Variants in NPAS3 observed in about 807,000 individuals in gnomAD.
The protein encoded by NPAS3 is neuronal PAS domain-containing protein 3.
Under a neutral mutation model 73.1 loss-of-function variants are expected in NPAS3, and 14 were observed. That is an observed-to-expected ratio of 0.19 (90% CI 0.13 to 0.30). The LOEUF is 0.30. NPAS3 is among the 10% of genes least tolerant of loss of function. The pLI is 1.00. For missense variants in NPAS3, 1,096 were observed against 1,250.0 expected, an observed-to-expected ratio of 0.88 and a Z score of 1.86; for synonymous variants, 620 against 541.5, an observed-to-expected ratio of 1.14 and a Z score of -2.01.
intron 1 of NPAS3, among the ~76,000 whole-genome samples, chr14:33,044,346 G>T (rs2040435170): frequency 6.6e-6 from 1 of 152,106 alleles, no homozygotes; most frequent in Non-Finnish European, 1.5e-5. Context: ...TTGAACCACG[G>T]TTTTTAGATG....
At chr14:33,074,718 C>G (rs2041602012) in intron 2 of NPAS3, among the ~76,000 whole-genome samples, 1 of 152,160 alleles carries the variant, frequency 6.6e-6, no homozygotes, top group Admixed American at 6.5e-5. Flanking sequence ...GCTCGGCCAA[C>G]ACTTTCTTTC....
chr14:33,479,589 G>T (rs745711658), intron 4 of NPAS3, among the ~76,000 whole-genome samples: 23 of 152,188 alleles, frequency 1.5e-4, no homozygotes, highest in Non-Finnish European at 2.8e-4. Context: ...AGTGCAGCTT[G>T]TGATCCCTAG....
At chr14:33,474,575 T>C (rs2139643076) in intron 4 of NPAS3, among the ~76,000 whole-genome samples, 1 of 152,284 alleles carries the variant, frequency 6.6e-6, no homozygotes, top group East Asian at 1.9e-4. Flanking sequence ...AATAGATTGC[T>C]TTTTAATTAG....
rs146769128 is a variant in NPAS3, at chr14:33,131,122, A to C, written c.140+75128A>C. Among the ~76,000 whole-genome samples, 12 of 152,244 alleles carry C rather than the reference A, an allele frequency of 7.9e-5. No individual in the cohort carries two copies. The East Asian group carries it at 2.3e-3, about 29-fold the overall frequency. ...CAGTACACATTTGGAGCAAGTCTAC[A>C]TACCAGGTTCTGTGGGAGTTTACAG... On this transcript the variant is annotated intron_variant, in intron 2 of 11. Coordinates refer to ENST00000356141, the Ensembl canonical transcript of NPAS3.
intron 7 of NPAS3, among the ~76,000 whole-genome samples, chr14:33,754,282 G>A (rs748609881): frequency 5.9e-5 from 9 of 152,142 alleles, no homozygotes; most frequent in African/African-American, 9.7e-5. Flanking sequence ...GGAATAAAGT[G>A]TGATTGGAAT....
At chr14:33,563,565 G>GAGAGAGAGA (rs10688249) in intron 5 of NPAS3, among the ~76,000 whole-genome samples, 1 of 144,428 alleles carries the variant, frequency 6.9e-6, no homozygotes, top group African/African-American at 2.7e-5. Flanking sequence ...GAGAGAGAGA[G>GAGAGAGAGA]GAGAGATGTA....
intron 4 of NPAS3, among the ~76,000 whole-genome samples, chr14:33,396,464 T>C (rs2047226988): frequency 1.3e-5 from 2 of 152,214 alleles, no homozygotes; most frequent in East Asian, 1.9e-4. Flanking sequence ...AAGTTTTACA[T>C]GGTAGAACTA....
At chr14:33,410,002 C>T (rs1594856418) in intron 4 of NPAS3, among the ~76,000 whole-genome samples, 1 of 152,086 alleles carries the variant, frequency 6.6e-6, no homozygotes, top group African/African-American at 2.4e-5. Flanking sequence ...CTCTTCTGCC[C>T]TCTTTGTAGC....
intron 5 of NPAS3, among the ~76,000 whole-genome samples, chr14:33,659,144 C>T (rs2059235141): frequency 6.6e-6 from 1 of 152,208 alleles, no homozygotes; most frequent in Admixed American, 6.5e-5. Flanking sequence ...CCTGAAGAAG[C>T]TTACAGTCAA....
chr14:33,503,053 G>C (rs537381849), intron 4 of NPAS3, among the ~76,000 whole-genome samples: 3 of 151,896 alleles, frequency 2.0e-5, no homozygotes, highest in Admixed American at 1.3e-4. Context: ...AAAATGGCAT[G>C]TATTAAGTTC....
intron 2 of NPAS3, among the ~76,000 whole-genome samples, chr14:33,158,022 TA>T (rs1452746365): frequency 2.0e-5 from 3 of 151,920 alleles, no homozygotes; most frequent in Admixed American, 1.3e-4. Context: ...AAGAGGCACT[TA>T]AAGCTTAGAC....
chr14:33,180,112 T>G lies in NPAS3; in HGVS notation c.141-35070T>G, dbSNP rs1483061500. 2.0e-5 allele frequency among the ~76,000 whole-genome samples: 3 copies of G among 152,334 alleles called. No individual in the cohort carries two copies. In the East Asian group the frequency reaches 5.8e-4, roughly 29 times the overall value. ...ATATCCCTATTTTGAATGGTAAGGA[T>G]GACACTATTTTAACCCAATATATTT... is the stretch of plus-strand genomic sequence containing the variant. On this transcript the variant is annotated intron_variant, in intron 2 of 11. Transcript: ENST00000356141.
chr14:32,975,461 T>C (rs1388698121), intron 1 of NPAS3, among the ~76,000 whole-genome samples: 2 of 152,172 alleles, frequency 1.3e-5, no homozygotes, highest in Non-Finnish European at 2.9e-5. Flanking sequence ...GCATGAGCCA[T>C]CACAGATGTG....
At chr14:33,525,503 CCACCTATAGTGTCAGAG>C (rs1282590324) in intron 4 of NPAS3, among the ~76,000 whole-genome samples, 3 of 152,170 alleles carry the variant, frequency 2.0e-5, no homozygotes, top group Non-Finnish European at 2.9e-5. Flanking sequence ...TTAGTTCTTA[CCACCTATAGTGTCAGAG>C]CACAGTGCTA....
At chr14:33,190,762 C>A (rs995288910) in intron 2 of NPAS3, among the ~76,000 whole-genome samples, 16 of 152,260 alleles carry the variant, frequency 1.1e-4, no homozygotes, top group African/African-American at 3.9e-4. Context: ...TTTGGCGCTC[C>A]CCCTACTCAC....
chr14:33,224,194 G>T (rs1002229469), intron 3 of NPAS3, among the ~76,000 whole-genome samples: 1 of 152,156 alleles, frequency 6.6e-6, no homozygotes, highest in African/African-American at 2.4e-5. Context: ...TTTAGGACTG[G>T]AATTCTTTAA....
rs187869683 is a variant in NPAS3 at position 33,217,067 on chromosome 14, A to G, written c.385+1641A>G. On this transcript the variant is annotated intron_variant, in intron 3 of 11. Transcript: ENST00000356141. ...GGGAGGCCTCAGGAAACTTACAATC[A>G]TGGTAGAAGGCGAGGGGGAGGCAAA... 4.7e-4 allele frequency among the ~76,000 whole-genome samples: 71 copies of G among 152,306 alleles called. No homozygotes were observed. The Middle Eastern group carries it at 0.027, about 58-fold the overall frequency.
intron 7 of NPAS3, among the ~76,000 whole-genome samples, chr14:33,744,134 C>A (rs1255264160): frequency 6.6e-6 from 1 of 152,188 alleles, no homozygotes; most frequent in Non-Finnish European, 1.5e-5. Context: ...GGCTAACTGG[C>A]ACCAAGAGGC....
intron 4 of NPAS3, among the ~76,000 whole-genome samples, chr14:33,519,897 G>A (rs1183244572): frequency 6.6e-6 from 1 of 152,048 alleles, no homozygotes. Context: ...TGGGAGGTAC[G>A]TTAGGGGCCC....
Sources: gnomAD v4.1 joint callset for allele counts (sites outside exome capture counted in the v4.1 genomes callset) on GRCh38, gnomAD v4.1.1 for gene constraint, MANE v1.5 for transcripts, NCBI Gene and HGNC (gene_info 2026-07-23, HGNC 2026-07-21) for gene names.